LSAMP: variants seen among roughly 807,000 people sequenced by gnomAD.
LSAMP encodes the protein limbic system-associated membrane protein.
In LSAMP, 7 loss-of-function variants were observed where a neutral mutation model predicts 38.6. That is an observed-to-expected ratio of 0.18 (90% confidence interval 0.10 to 0.34). The LOEUF (loss-of-function observed/expected upper bound fraction) is 0.34. Ranked by LOEUF, LSAMP falls within the 10% of genes least tolerant of loss-of-function variation. The pLI is 1.00. For synonymous variants in LSAMP, 154 were observed against 166.8 expected, an observed-to-expected ratio of 0.92 and a Z score of 0.59; for missense variants, 313 against 420.0, an observed-to-expected ratio of 0.75 and a Z score of 2.23.
intron 2 of LSAMP, 64 bp downstream of exon 2, chr3:116,086,260 G>T: frequency 8.2e-7 from 1 of 1,216,258 alleles, no homozygotes; most frequent in Non-Finnish European, 1.2e-6. Flanking sequence ...CAAATATTTT[G>T]TACATTATTA....
intron 1 of LSAMP, among the ~76,000 whole-genome samples, chr3:116,239,522 A>G (rs1165549386): frequency 6.6e-6 from 1 of 152,240 alleles, no homozygotes; most frequent in Non-Finnish European, 1.5e-5. Flanking sequence ...ATTAGGGAAT[A>G]TGTTGTTTAA....
At chr3:115,892,582 G>C (rs1359550710) in intron 3 of LSAMP, among the ~76,000 whole-genome samples, 1 of 151,892 alleles carries the variant, frequency 6.6e-6, no homozygotes, top group South Asian at 2.1e-4. Context: ...GAAAGCATAA[G>C]GGGGGTTTCG....
intron 3 of LSAMP, among the ~76,000 whole-genome samples, chr3:115,881,868 C>T (rs927680505): frequency 7.9e-5 from 12 of 152,218 alleles, no homozygotes; most frequent in Admixed American, 2.6e-4. Context: ...CCTGAACGTG[C>T]ACCTGTCTCT....
chr3:116,204,784 A>G (rs1347504920), intron 1 of LSAMP, among the ~76,000 whole-genome samples: 1 of 150,476 alleles, frequency 6.6e-6, no homozygotes, highest in Non-Finnish European at 1.5e-5. Flanking sequence ...TACCAGTACC[A>G]TGCTGTTTTG....
chr3:115,924,763 A>T (rs1214952312), intron 3 of LSAMP, among the ~76,000 whole-genome samples: 3 of 152,220 alleles, frequency 2.0e-5, no homozygotes, highest in Admixed American at 2.0e-4. Context: ...ATGTCGGGTC[A>T]AATTGGGGAT....
chr3:116,372,819 C>A (rs913412668), intron 1 of LSAMP, among the ~76,000 whole-genome samples: 1 of 148,700 alleles, frequency 6.7e-6, no homozygotes, highest in African/African-American at 2.5e-5. Context: ...AAAAGCAAAT[C>A]AAAACTACAG....
At chr3:116,400,188 T>C (rs530007673) in intron 1 of LSAMP, among the ~76,000 whole-genome samples, 5 of 152,108 alleles carry the variant, frequency 3.3e-5, no homozygotes, top group Non-Finnish European at 7.4e-5. Context: ...CTATTAGGCT[T>C]TAGTTTTCTA....
At chr3:116,218,652 CAG>C (rs2107614007) in intron 1 of LSAMP, among the ~76,000 whole-genome samples, 1 of 152,206 alleles carries the variant, frequency 6.6e-6, no homozygotes, top group Admixed American at 6.5e-5. Context: ...TTTGAGCTGA[CAG>C]TGTCACTGTA....
rs552779698 is a variant in LSAMP at position 116,155,973 on chromosome 3, T to C, written c.156-69417A>G. On this transcript the variant is annotated intron_variant, in intron 1 of 6. Transcript: ENST00000490035. ...GCAAGCAGTGAGCCAAGTTCTTCCC[T>C]GGTTGCTTCAGGAACATGTGGCAGG... 2.0e-5 allele frequency among the ~76,000 whole-genome samples: 3 copies of C among 152,282 alleles called. No individual in the cohort carries two copies. In the South Asian group the frequency reaches 6.2e-4, roughly 32 times the overall value.
intron 1 of LSAMP, among the ~76,000 whole-genome samples, chr3:116,145,629 C>A (rs1709474173): frequency 1.3e-5 from 2 of 151,930 alleles, no homozygotes; most frequent in African/African-American, 2.4e-5. Flanking sequence ...AATATCTGGA[C>A]TGGTGTTTAA....
At chr3:116,359,465 G>C (rs2048272734) in intron 1 of LSAMP, among the ~76,000 whole-genome samples, 1 of 152,220 alleles carries the variant, frequency 6.6e-6, no homozygotes, top group Non-Finnish European at 1.5e-5. Flanking sequence ...AGCGTAGCTG[G>C]TTCCAATGTG....
chr3:115,901,290 G>T (rs760003098), intron 3 of LSAMP, among the ~76,000 whole-genome samples: 5 of 151,940 alleles, frequency 3.3e-5, no homozygotes, highest in Non-Finnish European at 7.4e-5. Context: ...CATGTGAGGA[G>T]GTAATATGTA....
chr3:115,817,108 AT>A (rs1934055226), intron 6 of LSAMP, among the ~76,000 whole-genome samples: 1 of 152,042 alleles, frequency 6.6e-6, no homozygotes, highest in Non-Finnish European at 1.5e-5. Context: ...CTTGCTTTTC[AT>A]TTGCTTGGAA....
At chr3:116,229,681 G>A (rs1297216942) in intron 1 of LSAMP, among the ~76,000 whole-genome samples, 1 of 152,048 alleles carries the variant, frequency 6.6e-6, no homozygotes, top group South Asian at 2.1e-4. Context: ...ATTTGTATTT[G>A]TATTTCACAT....
chr3:115,815,050 G>A (rs1438632), intron 6 of LSAMP, among the ~76,000 whole-genome samples: 35,548 of 152,046 alleles, frequency 0.23, 5,156 homozygotes, highest in East Asian at 0.42. Context: ...GCAAATTAGA[G>A]GAGGGGAAAT....
chr3:115,911,512 T>G (rs1937135198), intron 3 of LSAMP, among the ~76,000 whole-genome samples: 1 of 152,102 alleles, frequency 6.6e-6, no homozygotes, highest in Non-Finnish European at 1.5e-5. Context: ...CCACCACGCC[T>G]GGCTAATTTT....
Position 116,191,714 on chromosome 3 carries a change from T to G in LSAMP, c.156-105158A>C, listed in dbSNP as rs377619432. Among the ~76,000 whole-genome samples, 13 of 152,078 alleles carry G rather than the reference T, an allele frequency of 8.5e-5. No homozygotes were observed. The East Asian group carries it at 2.3e-3, about 27-fold the overall frequency. On this transcript the variant is annotated intron_variant, in intron 1 of 6. Transcript: ENST00000490035. ...TGCCATTCCATTTTCTCAACATTCCTGCATGGTATTCCTGCAATTAGCCAA... is the reference window on the plus strand; with the variant it reads ...TGCCATTCCATTTTCTCAACATTCCGGCATGGTATTCCTGCAATTAGCCAA...
chr3:116,325,157 T>C (rs1010076306), intron 1 of LSAMP, among the ~76,000 whole-genome samples: 5 of 151,356 alleles, frequency 3.3e-5, no homozygotes, highest in Non-Finnish European at 7.4e-5. Context: ...AGAGATGAGG[T>C]CTCACTATGT....
intron 2 of LSAMP, among the ~76,000 whole-genome samples, chr3:116,029,726 C>G: frequency 6.6e-6 from 1 of 152,080 alleles, no homozygotes; most frequent in Non-Finnish European, 1.5e-5. Context: ...GGAGCAGTTT[C>G]TGAACTGCAC....
Sources: allele counts gnomAD v4.1 joint callset (sites outside exome capture counted in the v4.1 genomes callset), GRCh38; gene constraint gnomAD v4.1.1; transcripts MANE v1.5; gene names NCBI Gene and HGNC (gene_info 2026-07-23, HGNC 2026-07-21).